GAB2: variants seen among roughly 807,000 people sequenced by gnomAD.
The protein encoded by GAB2 is GRB2-associated-binding protein 2.
GAB2 carries 26 observed loss-of-function variants against 65.5 expected under a neutral mutation model. The observed-to-expected ratio is 0.40, with a 90% CI of 0.29 to 0.55. The LOEUF (loss-of-function observed/expected upper bound fraction) is 0.55. Ranked by LOEUF, GAB2 falls within the 20% of genes least tolerant of loss-of-function variation. The pLI is 0.53. For synonymous variants in GAB2, 321 were observed against 329.6 expected (o/e 0.97, Z 0.28); for missense variants, 884 against 875.8 (o/e 1.01, Z -0.12).
intron 1 of GAB2, among the ~76,000 whole-genome samples, chr11:78,381,938 A>G (rs905415513): frequency 6.6e-6 from 1 of 152,244 alleles, no homozygotes; most frequent in Non-Finnish European, 1.5e-5. Context: ...ACTCCTTAGC[A>G]TATGAGAATC....
chr11:78,411,126 T>C (rs1318754375), intron 1 of GAB2, among the ~76,000 whole-genome samples: 1 of 134,956 alleles, frequency 7.4e-6, no homozygotes, highest in Non-Finnish European at 1.5e-5. Flanking sequence ...GTCGCCAGCC[T>C]GTGTGACACA....
intron 3 of GAB2, among the ~76,000 whole-genome samples, chr11:78,245,533 A>G (rs1016474693): frequency 2.0e-5 from 3 of 152,224 alleles, no homozygotes; most frequent in Admixed American, 1.3e-4. Context: ...CAGATAAATG[A>G]AAGCTGGGAA....
intron 3 of GAB2, among the ~76,000 whole-genome samples, chr11:78,230,258 G>GT (rs1281603202): frequency 1.3e-5 from 2 of 152,164 alleles, no homozygotes; most frequent in Non-Finnish European, 2.9e-5. Context: ...ACTAGCTTAC[G>GT]TTCCAACTTC....
At chr11:78,273,728 G>T (rs533624661) in intron 2 of GAB2, among the ~76,000 whole-genome samples, 82 of 152,288 alleles carry the variant, frequency 5.4e-4, no homozygotes, top group African/African-American at 1.9e-3. Context: ...GGGGGCAGGG[G>T]CAGAATGACA....
chr11:78,271,654 G>T (rs1029575491), intron 2 of GAB2, among the ~76,000 whole-genome samples: 2 of 152,164 alleles, frequency 1.3e-5, no homozygotes, highest in African/African-American at 4.8e-5. Context: ...TCTTCTAGCT[G>T]AAAGTAAACA....
At chr11:78,400,358 C>T (rs563326638) in intron 1 of GAB2, among the ~76,000 whole-genome samples, 1 of 152,278 alleles carries the variant, frequency 6.6e-6, no homozygotes, top group East Asian at 1.9e-4. Context: ...CATATAAGGG[C>T]ATCATTCTGT....
rs545338778 is a variant in GAB2 at position 78,263,809 on chromosome 11, CAGAA to C, written c.377-13413_377-13410del. The stretch of plus-strand genomic sequence containing the variant: ...TAGTTTAATATTAATACTTTACTGA[CAGAA>C]AGCCTACAGTTCAGAGAGATCAAGT... On this transcript the variant is annotated intron_variant, in intron 2 of 9. Transcript: ENST00000361507. 2.4e-3 allele frequency among the ~76,000 whole-genome samples: 367 copies of C among 151,972 alleles called. 2 individuals carry two copies. Among genetic ancestry groups the C allele is most frequent in the Middle Eastern group, 0.014 (4 of 292 alleles).
chr11:78,327,406 A>G lies in GAB2; in HGVS notation c.76-46505T>C, dbSNP rs1855842225. Among the ~76,000 whole-genome samples the G allele has an allele frequency of 4.6e-5, 7 of 152,226 alleles. No individual in the cohort carries two copies. The South Asian group carries it at 1.4e-3, about 31-fold the overall frequency. ...AGAGATGTTTCATATGAAAATAACAATATCTGCAATGAGCCTTAAAGGATG... is the reference window on the plus strand; with the variant it reads ...AGAGATGTTTCATATGAAAATAACAGTATCTGCAATGAGCCTTAAAGGATG... On this transcript the variant is annotated intron_variant, in intron 1 of 9. Transcript: ENST00000361507.
intron 1 of GAB2, among the ~76,000 whole-genome samples, chr11:78,299,770 A>C (rs1451580253): frequency 2.6e-5 from 4 of 152,226 alleles, no homozygotes; most frequent in Non-Finnish European, 5.9e-5. Flanking sequence ...AATTTACATC[A>C]GTCCAGCTGC....
chr11:78,327,297 G>A (rs1461340525), intron 1 of GAB2, among the ~76,000 whole-genome samples: 1 of 152,084 alleles, frequency 6.6e-6, no homozygotes, highest in Non-Finnish European at 1.5e-5. Context: ...GGGGTCTGCT[G>A]GGCATTCAAA....
chr11:78,303,871 T>C (rs934589163), intron 1 of GAB2, among the ~76,000 whole-genome samples: 3 of 152,168 alleles, frequency 2.0e-5, no homozygotes, highest in Non-Finnish European at 4.4e-5. Flanking sequence ...CCTCTGCATG[T>C]TGGAGAAACA....
intron 1 of GAB2, among the ~76,000 whole-genome samples, chr11:78,404,547 A>C (rs1857016342): frequency 6.6e-6 from 1 of 152,268 alleles, no homozygotes; most frequent in African/African-American, 2.4e-5. Context: ...CGTCTTGAAA[A>C]CAACAATAAC....
At chr11:78,406,381 A>ATT (rs56317311) in intron 1 of GAB2, among the ~76,000 whole-genome samples, 3 of 147,740 alleles carry the variant, frequency 2.0e-5, no homozygotes, top group Non-Finnish European at 3.0e-5. Context: ...TCCACGTTTA[A>ATT]TTTTTTTTTT....
chr11:78,415,037 A>G (rs1474813334), intron 1 of GAB2, among the ~76,000 whole-genome samples: 1 of 151,966 alleles, frequency 6.6e-6, no homozygotes, highest in East Asian at 1.9e-4. Flanking sequence ...ACGCCCAGCT[A>G]ATTTTTATAT....
intron 1 of GAB2, among the ~76,000 whole-genome samples, chr11:78,345,508 T>C (rs559534968): frequency 6.6e-6 from 1 of 152,354 alleles, no homozygotes; most frequent in Non-Finnish European, 1.5e-5. Context: ...AGCTAACTCC[T>C]GTTCCTCAAC....
chr11:78,292,638 C>G (rs1264568145), intron 1 of GAB2, among the ~76,000 whole-genome samples: 1 of 152,196 alleles, frequency 6.6e-6, no homozygotes, highest in East Asian at 1.9e-4. Context: ...TAATAGTTAA[C>G]AGCAAACATT....
rs2134468846 is a variant in GAB2 at position 78,226,694 on chromosome 11, G to A, written c.978C>T (p.Ile326=). 3 of 1,613,916 alleles carry A rather than the reference G, an allele frequency of 1.9e-6. No individual in the cohort carries two copies. Among genetic ancestry groups the A allele is most frequent in the Non-Finnish European group, 2.5e-6 (3 of 1,179,858 alleles). The change falls in exon 4 of 10, where the codon ATC becomes ATT. Residue 326 remains isoleucine (I), a synonymous_variant. Transcript: ENST00000361507. ...VPATPLSAYQ[I]PRTFTLDKNH... is the part of the protein sequence containing the mutation. ...TTTTGTCCAGAGTGAATGTCCTAGG[G>A]ATCTGGTAGGCTGAGAGTGGGGTGG...
intron 2 of GAB2, among the ~76,000 whole-genome samples, chr11:78,274,311 A>G (rs1053501451): frequency 6.6e-6 from 1 of 152,204 alleles, no homozygotes; most frequent in African/African-American, 2.4e-5. Flanking sequence ...GAAGGAAGGA[A>G]AGAAAGGAAA....
Position 78,282,154 on chromosome 11 carries a change from C to T in GAB2, c.76-1253G>A, listed in dbSNP as rs115895644. Among the ~76,000 whole-genome samples, 1,264 of 152,300 alleles carry T rather than the reference C, an allele frequency of 8.3e-3. 20 individuals carry two copies. The highest frequency in any genetic ancestry group is 0.028 in the African/African-American group (1,174 of 41,564). On this transcript the variant is annotated intron_variant, in intron 1 of 9. Coordinates refer to ENST00000361507, the MANE Select transcript of GAB2 (RefSeq NM_080491.3). ...AAACTCCTTATACCATTCCATACCA[C>T]AGAATTGAACACGTGATTACATATT...
Sources: gnomAD v4.1 joint callset for allele counts (sites outside exome capture counted in the v4.1 genomes callset) on GRCh38, gnomAD v4.1.1 for gene constraint, MANE v1.5 for transcripts, NCBI Gene and HGNC (gene_info 2026-07-23, HGNC 2026-07-21) for gene names.